C2CD2: variants seen among roughly 807,000 people sequenced by gnomAD.
C2CD2 encodes C2 domain-containing protein 2.
In C2CD2, 43 loss-of-function variants were observed where a neutral mutation model predicts 74.3. That is an observed-to-expected ratio of 0.58 (90% CI 0.45 to 0.75). The LOEUF (loss-of-function observed/expected upper bound fraction) is 0.75. Among genes scored for constraint, C2CD2 ranks in the 30% least tolerant of loss-of-function variants. The pLI, the probability that C2CD2 is intolerant of heterozygous loss-of-function variation, is 0.00. For missense variants in C2CD2, 801 were observed against 916.3 expected, an observed-to-expected ratio of 0.87 and a Z score of 1.63; for synonymous variants, 422 against 390.7, an observed-to-expected ratio of 1.08 and a Z score of -0.94.
intron 2 of C2CD2, among the ~76,000 whole-genome samples, chr21:41,931,015 C>T (rs1287054221): frequency 6.7e-6 from 1 of 150,356 alleles, no homozygotes; most frequent in Non-Finnish European, 1.5e-5. Flanking sequence ...TGGAGCAAAC[C>T]TCTCCCAAGA....
intron 4 of C2CD2, among the ~76,000 whole-genome samples, chr21:41,918,520 CAT>C (rs200514173): frequency 0.011 from 1,613 of 152,254 alleles, 22 homozygotes; most frequent in African/African-American, 0.036. Context: ...GCCTTGGCTG[CAT>C]ATGAGTGCTA....
rs1350239645 is a variant in C2CD2 at position 41,924,687 on chromosome 21, C to T, written c.379-2602G>A. Among the ~76,000 whole-genome samples, 1 of 151,276 alleles carries T rather than the reference C, an allele frequency of 6.6e-6. No individual in the cohort carries two copies. Among genetic ancestry groups the T allele is most frequent in the Non-Finnish European group, 1.5e-5 (1 of 68,026 alleles). The stretch of plus-strand genomic sequence containing the variant: ...TCTCAACAGCCCACTCCTTTTACTG[C>T]TTAAAGTAAAAAATAAAAAATAAAA... On this transcript the variant is annotated intron_variant, in intron 2 of 13. Transcript: ENST00000380486. This position sits in a 1 kb window ranked among gnomAD's most constrained non-coding sequence, Gnocchi z 4.4.
At chr21:41,934,521 C>G (rs527940578) in intron 2 of C2CD2, among the ~76,000 whole-genome samples, 1 of 152,362 alleles carries the variant, frequency 6.6e-6, no homozygotes, top group East Asian at 1.9e-4. Flanking sequence ...CCTAAGGTTG[C>G]TTTTCTGACA....
At chr21:41,904,299 G>A (rs574331379) in intron 11 of C2CD2, among the ~76,000 whole-genome samples, 1 of 145,808 alleles carries the variant, frequency 6.9e-6, no homozygotes, top group African/African-American at 2.6e-5. Context: ...GAAAAGGGGA[G>A]GAATGCTCAG....
chr21:41,928,407 C>T (rs932883258), intron 2 of C2CD2, among the ~76,000 whole-genome samples: 6 of 152,070 alleles, frequency 3.9e-5, no homozygotes, highest in South Asian at 2.1e-4. Context: ...TCTCAGAGGA[C>T]GGGGTCTCCA....
intron 6 of C2CD2, among the ~76,000 whole-genome samples, chr21:41,914,174 C>T (rs897046559): frequency 3.3e-5 from 5 of 151,748 alleles, no homozygotes; most frequent in Non-Finnish European, 5.9e-5. Context: ...TGTAGTGAGC[C>T]GAGATCGTGC....
At position 41,939,727 on chromosome 21, in the gene C2CD2, C is replaced by G. The variant is rs2065338923; in HGVS notation, c.378+2420G>C. ...CACACTACTTACAAGGATTATCTAA[C>G]AGCGTGGCTCCAGGACTGACGAGGG... On this transcript the variant is annotated intron_variant, in intron 2 of 13. Transcript: ENST00000380486. This position sits in a 1 kb window ranked among gnomAD's most constrained non-coding sequence, Gnocchi z 5.5. Among the ~76,000 whole-genome samples, 1 of 152,220 alleles carries G rather than the reference C, an allele frequency of 6.6e-6. No homozygotes were observed. Among genetic ancestry groups the G allele is most frequent in the African/African-American group, 2.4e-5 (1 of 41,470 alleles).
At chr21:41,943,634 G>A (rs963428894) in intron 1 of C2CD2, among the ~76,000 whole-genome samples, 2 of 152,186 alleles carry the variant, frequency 1.3e-5, no homozygotes, top group Admixed American at 6.5e-5. Flanking sequence ...ACCGAGGGTG[G>A]GAGAGGGGAA....
intron 6 of C2CD2, among the ~76,000 whole-genome samples, chr21:41,913,352 C>T (rs1317966700): frequency 6.6e-6 from 1 of 152,196 alleles, no homozygotes. Context: ...AATGTGTGGA[C>T]GCTGGACCAC....
At chr21:41,920,253 T>C (rs948182411) in intron 3 of C2CD2, among the ~76,000 whole-genome samples, 34 of 152,254 alleles carry the variant, frequency 2.2e-4, no homozygotes, top group Non-Finnish European at 4.1e-4. Context: ...ATCACCAATC[T>C]GTGCTGTTTT....
At chr21:41,905,343 G>T (rs991954424) in intron 11 of C2CD2, among the ~76,000 whole-genome samples, 1 of 127,820 alleles carries the variant, frequency 7.8e-6, no homozygotes, top group African/African-American at 4.2e-5. Context: ...TAAGAGACAG[G>T]GTCTCGCTCT....
chr21:41,925,368 C>T (rs575890722), intron 2 of C2CD2, among the ~76,000 whole-genome samples: 5 of 152,150 alleles, frequency 3.3e-5, no homozygotes, highest in African/African-American at 1.2e-4. Context: ...CCTGTAGTCC[C>T]AGCTACTCAG....
chr21:41,944,096 T>G (rs1272925479), intron 1 of C2CD2, among the ~76,000 whole-genome samples: 1 of 152,176 alleles, frequency 6.6e-6, no homozygotes, highest in African/African-American at 2.4e-5. Flanking sequence ...ACAATGTACC[T>G]TCTGTAGGAG....
At chr21:41,901,176 G>A (rs1164467948) in intron 12 of C2CD2, 2 of 261,196 alleles carry the variant, frequency 7.7e-6, no homozygotes, top group Non-Finnish European at 1.5e-5. Flanking sequence ...GTGTCCACGG[G>A]GGACACTACA....
At position 41,939,288 on chromosome 21, in the gene C2CD2, C is replaced by A. The variant is rs1412817658; in HGVS notation, c.378+2859G>T. On this transcript the variant is annotated intron_variant, in intron 2 of 13. Transcript: ENST00000380486. This position sits in a 1 kb window ranked among gnomAD's most constrained non-coding sequence, Gnocchi z 5.5. ...AAAAGGATTACAATTGAATTACCTACCGTGTAAGGCCACTTTTCTGGCAAT... is the reference window on the plus strand; with the variant it reads ...AAAAGGATTACAATTGAATTACCTAACGTGTAAGGCCACTTTTCTGGCAAT... Among the ~76,000 whole-genome samples the A allele has an allele frequency of 6.6e-6, 1 of 152,228 alleles. No homozygotes were observed. Among genetic ancestry groups the A allele is most frequent in the East Asian group, 1.9e-4 (1 of 5,204 alleles).
At position 41,886,293 on chromosome 21, in the gene C2CD2, G is replaced by A. The variant is rs1196524947; in HGVS notation, c.*2831C>T. The A allele has an allele frequency of 6.6e-6, 1 of 152,176 alleles. No homozygotes were observed. The highest frequency in any genetic ancestry group is 1.5e-5 in the Non-Finnish European group (1 of 68,032). The allele number at this position is 152,176 out of a possible 1,614,324, so 9.4% of individuals were successfully genotyped here. On this transcript the variant is annotated 3_prime_UTR_variant, in exon 14 of 14. Coordinates refer to ENST00000380486, the MANE Select transcript of C2CD2 (RefSeq NM_015500.2). ...GTAGAAGAGGTGAGGCGATAAAGGTGATTTACACATCAGTATTTTTAGCAT... is the reference window on the plus strand; with the variant it reads ...GTAGAAGAGGTGAGGCGATAAAGGTAATTTACACATCAGTATTTTTAGCAT...
intron 1 of C2CD2, among the ~76,000 whole-genome samples, chr21:41,946,317 C>T (rs183072666): frequency 1.3e-5 from 2 of 152,306 alleles, no homozygotes; most frequent in African/African-American, 2.4e-5. Context: ...AATCTCATGT[C>T]GAATTTTAAT....
Position 41,953,644 on chromosome 21 carries a change from GC to G in C2CD2, c.4del (p.Ala2ProfsTer28). 1 of 1,455,438 alleles carries G rather than the reference GC, an allele frequency of 6.9e-7. No homozygotes were observed. Among genetic ancestry groups the G allele is most frequent in the South Asian group, 1.3e-5 (1 of 74,452 alleles). The allele number at this position is 1,455,438 out of a possible 1,614,324, so 90.2% of individuals were successfully genotyped here. A position where few individuals can be genotyped will look rare whatever the true frequency, so the allele number is the denominator to read the frequency against. On this transcript the variant is annotated frameshift_variant, in exon 1 of 14. Transcript: ENST00000380486. LOFTEE classifies it high-confidence loss of function. M[A>X]MARLGSWLGE... Reference sequence around the variant, plus strand: ...GAGCCACGAGCCCAGCCGGGCCATGGCCATGGCGCATCCCCGGCCCGCCTCG... The same window carrying G: ...GAGCCACGAGCCCAGCCGGGCCATGGCATGGCGCATCCCCGGCCCGCCTCG...
intron 13 of C2CD2, among the ~76,000 whole-genome samples, chr21:41,898,354 G>A (rs2064848638): frequency 6.6e-6 from 1 of 152,196 alleles, no homozygotes; most frequent in South Asian, 2.1e-4. Flanking sequence ...GGCTCGGTGA[G>A]TCTCACATCT....
Sources: gnomAD v4.1 joint callset for allele counts (sites outside exome capture counted in the v4.1 genomes callset) on GRCh38, gnomAD v4.1.1 for gene constraint, Gnocchi (gnomAD v3.1) non-coding constraint, MANE v1.5 for transcripts, NCBI Gene and HGNC (gene_info 2026-07-23, HGNC 2026-07-21) for gene names.